The following TWSG1 variants were observed in gnomAD, a reference collection of about 807,000 sequenced individuals.
TWSG1 encodes the protein twisted gastrulation protein homolog 1.
Under a neutral mutation model 23.0 loss-of-function variants are expected in TWSG1, and 15 were observed. That is an observed-to-expected ratio of 0.65 (90% CI 0.44 to 1.00). The LOEUF (loss-of-function observed/expected upper bound fraction) is 1.00, where lower values mean the gene tolerates loss of function less well. Among genes scored for constraint, TWSG1 ranks in the 50% least tolerant of loss-of-function variants. The probability of loss-of-function intolerance (pLI) is 0.00; values close to 1 mark genes in which losing one functional copy is unlikely to be tolerated. For missense variants in TWSG1, 242 were observed against 278.7 expected (o/e 0.87, Z 0.94); for synonymous variants, 86 against 92.8 (o/e 0.93, Z 0.42).
intron 3 of TWSG1, among the ~76,000 whole-genome samples, chr18:9,369,306 T>C (rs113363814): frequency 0.039 from 5,920 of 152,132 alleles, 381 homozygotes; most frequent in African/African-American, 0.14. Context: ...TCTTGCTCTG[T>C]CACCCAGGCT....
chr18:9,335,144 A>C (rs2145586456), intron 1 of TWSG1, among the ~76,000 whole-genome samples: 1 of 152,106 alleles, frequency 6.6e-6, no homozygotes, highest in South Asian at 2.1e-4. Flanking sequence ...TTTGGTCCAG[A>C]CCATCTCTGG....
At chr18:9,366,154 C>G (rs1364166489) in intron 3 of TWSG1, among the ~76,000 whole-genome samples, 3 of 152,156 alleles carry the variant, frequency 2.0e-5, no homozygotes, top group Admixed American at 2.0e-4. Flanking sequence ...ATAGAAATAG[C>G]AGATTCTTTA....
intron 3 of TWSG1, among the ~76,000 whole-genome samples, chr18:9,364,303 G>A (rs972147874): frequency 6.6e-6 from 1 of 152,200 alleles, no homozygotes; most frequent in Admixed American, 6.5e-5. Flanking sequence ...TCAGTTTTTG[G>A]GAGGAGGGAA....
intron 3 of TWSG1, among the ~76,000 whole-genome samples, chr18:9,387,761 ACT>A (rs143755525): frequency 0.086 from 11,157 of 130,270 alleles, 518 homozygotes; most frequent in Admixed American, 0.11. Context: ...CAAGAGTGAA[ACT>A]CTGTCTCAAA....
rs559774343 is a variant in TWSG1 at position 9,390,486 on chromosome 18, A to G, written c.224-5794A>G. Among the ~76,000 whole-genome samples, 293 of 151,980 alleles carry G rather than the reference A, an allele frequency of 1.9e-3. 1 individual carries two copies. Among genetic ancestry groups the G allele is most frequent in the Middle Eastern group, 3.4e-3 (1 of 292 alleles). On this transcript the variant is annotated intron_variant, in intron 3 of 4. Coordinates refer to ENST00000262120, the MANE Select transcript of TWSG1 (RefSeq NM_020648.6). ...TTCTTTCTTCTTTTTTTAAATAGAG[A>G]TGGAGTCTCACTATGTTGCCTAGAC...
intron 3 of TWSG1, among the ~76,000 whole-genome samples, chr18:9,373,585 A>G (rs912522153): frequency 6.6e-6 from 1 of 152,234 alleles, no homozygotes; most frequent in Admixed American, 6.5e-5. Context: ...AACTAACAGA[A>G]CTGCAGTAGA....
intron 3 of TWSG1, among the ~76,000 whole-genome samples, chr18:9,384,479 G>T (rs2040672999): frequency 6.6e-6 from 1 of 152,086 alleles, no homozygotes; most frequent in African/African-American, 2.4e-5. Flanking sequence ...CAATATGATG[G>T]TCTAAATTCA....
chr18:9,396,349 A>G lies in TWSG1; in HGVS notation c.293A>G (p.Glu98Gly). Residue 98 changes from glutamate (E) to glycine (G), a missense_variant, in exon 4 of 5, where the codon GAA (glutamate) becomes GGA (glycine). Coordinates refer to ENST00000262120, the MANE Select transcript of TWSG1 (RefSeq NM_020648.6). ...AAGAGCACAGTGGAGGAGCTGCATG[A>G]ACCGATCCCTTCTCTCTTCCGGGCA... ...TSKSTVEELH[E>G]PIPSLFRALT... The G allele has an allele frequency of 6.2e-7, 1 of 1,614,158 alleles. No homozygotes were observed. Among genetic ancestry groups the G allele is most frequent in the Non-Finnish European group, 8.5e-7 (1 of 1,180,008 alleles).
At chr18:9,391,906 T>G (rs1169731573) in intron 3 of TWSG1, among the ~76,000 whole-genome samples, 2 of 152,244 alleles carry the variant, frequency 1.3e-5, no homozygotes, top group Non-Finnish European at 2.9e-5. Flanking sequence ...CAGTAATATT[T>G]GAAAGGAATC....
chr18:9,395,679 C>A (rs1306121245), intron 3 of TWSG1, among the ~76,000 whole-genome samples: 1 of 152,154 alleles, frequency 6.6e-6, no homozygotes, highest in Non-Finnish European at 1.5e-5. Flanking sequence ...AATCCTCCCG[C>A]CTCAGCCTCC....
At chr18:9,357,593 A>G (rs777146798) in intron 2 of TWSG1, among the ~76,000 whole-genome samples, 12 of 152,344 alleles carry the variant, frequency 7.9e-5, no homozygotes, top group Non-Finnish European at 1.3e-4. Flanking sequence ...GTTACATTGC[A>G]CTAGTTAATT....
chr18:9,367,179 GC>G (rs1280097759), intron 3 of TWSG1, among the ~76,000 whole-genome samples: 4 of 152,032 alleles, frequency 2.6e-5, no homozygotes, highest in African/African-American at 9.7e-5. Flanking sequence ...TGATACTCCC[GC>G]CTTGGCTTCC....
At chr18:9,390,006 A>C (rs1215063003) in intron 3 of TWSG1, among the ~76,000 whole-genome samples, 1 of 152,252 alleles carries the variant, frequency 6.6e-6, no homozygotes, top group Non-Finnish European at 1.5e-5. Context: ...CCTTAAATAC[A>C]AAATACTTTA....
chr18:9,392,968 G>T (rs549647975), intron 3 of TWSG1, among the ~76,000 whole-genome samples: 1 of 152,304 alleles, frequency 6.6e-6, no homozygotes, highest in East Asian at 1.9e-4. Context: ...GCTTGCATAT[G>T]GAGGCACTTC....
At chr18:9,394,164 A>G (rs914455894) in intron 3 of TWSG1, among the ~76,000 whole-genome samples, 3 of 152,230 alleles carry the variant, frequency 2.0e-5, no homozygotes, top group Admixed American at 2.0e-4. Context: ...ATGTCCAACA[A>G]CAGATGAATG....
chr18:9,354,011 A>T (rs2040513624), intron 2 of TWSG1, among the ~76,000 whole-genome samples: 1 of 152,248 alleles, frequency 6.6e-6, no homozygotes, highest in South Asian at 2.1e-4. Flanking sequence ...GCCTTTGATT[A>T]AACAATCTAA....
intron 3 of TWSG1, among the ~76,000 whole-genome samples, chr18:9,373,516 A>G (rs962207997): frequency 2.0e-5 from 3 of 152,226 alleles, no homozygotes; most frequent in Non-Finnish European, 2.9e-5. Context: ...AACCTGAGTG[A>G]CAGAATGAGA....
At chr18:9,383,183 G>GTTTTTTTTT (rs1403740714) in intron 3 of TWSG1, among the ~76,000 whole-genome samples, 14 of 75,322 alleles carry the variant, frequency 1.9e-4, no homozygotes, top group African/African-American at 7.3e-4. Flanking sequence ...CGAATTACAC[G>GTTTTTTTTT]TTTTTTTTTT....
At chr18:9,337,435 A>AT in intron 2 of TWSG1, 83 bp downstream of exon 2, 1 of 1,466,480 alleles carries the variant, frequency 6.8e-7, no homozygotes, top group Non-Finnish European at 9.3e-7. Flanking sequence ...TAGAGTGCAT[A>AT]TATCATATAG....
Sources: gnomAD v4.1 joint callset for allele counts (sites outside exome capture counted in the v4.1 genomes callset) on GRCh38, gnomAD v4.1.1 for gene constraint, MANE v1.5 for transcripts, NCBI Gene and HGNC (gene_info 2026-07-23, HGNC 2026-07-21) for gene names.